The following PIAS1 variants were observed in gnomAD, a reference collection of about 807,000 sequenced individuals.
The protein encoded by PIAS1 is E3 SUMO-protein ligase PIAS1.
A neutral mutation model predicts 71.3 loss-of-function variants in PIAS1; 6 were observed. That is an observed-to-expected ratio of 0.08 (90% confidence interval 0.05 to 0.17). The LOEUF is 0.17. Among genes scored for constraint, PIAS1 ranks in the 10% least tolerant of loss-of-function variants. The pLI is 1.00. For synonymous variants in PIAS1, 303 were observed against 292.9 expected (o/e 1.03, Z -0.35); for missense variants, 555 against 793.6 (o/e 0.70, Z 3.61).
At chr15:68,074,031 A>T (rs532658457) in intron 1 of PIAS1, among the ~76,000 whole-genome samples, 17 of 152,142 alleles carry the variant, frequency 1.1e-4, no homozygotes, top group Non-Finnish European at 2.2e-4. Context: ...GATTAGGTGG[A>T]TGGAAGGTTT....
intron 1 of PIAS1, among the ~76,000 whole-genome samples, chr15:68,066,981 T>C (rs1034527077): frequency 7.2e-5 from 11 of 152,218 alleles, no homozygotes; most frequent in African/African-American, 2.7e-4. Flanking sequence ...TAATCTCTTG[T>C]TGAGGCTACT....
Position 68,190,128 on chromosome 15 carries a change from C to T in PIAS1, c.*2293C>T, listed in dbSNP as rs552234919. 6.6e-6 allele frequency: 1 copy of T among 152,144 alleles called. No homozygotes were observed. The highest frequency in any genetic ancestry group is 6.5e-5 in the Admixed American group (1 of 15,280). 9.4% of individuals were successfully genotyped at this position (152,144 alleles called of 1,614,324 possible). A position where few individuals can be genotyped will look rare whatever the true frequency, so the allele number is the denominator to read the frequency against. On this transcript the variant is annotated 3_prime_UTR_variant, in exon 14 of 14. Coordinates refer to ENST00000249636, the MANE Select transcript of PIAS1 (RefSeq NM_016166.3). This position sits in a 1 kb window ranked among gnomAD's most constrained non-coding sequence, Gnocchi z 4.7. ...AGTTGAAAACGTATCCCTCTACTTT[C>T]TTCAGTTGTAGAAAAGGTTAATTTC...
At chr15:68,166,251 G>A (rs1054785858) in intron 8 of PIAS1, among the ~76,000 whole-genome samples, 6 of 151,522 alleles carry the variant, frequency 4.0e-5, no homozygotes, top group African/African-American at 7.3e-5. Flanking sequence ...TTTTATATTA[G>A]TGTTAAAAAT....
chr15:68,085,811 TG>T (rs1188821320), intron 1 of PIAS1, among the ~76,000 whole-genome samples: 1 of 152,204 alleles, frequency 6.6e-6, no homozygotes, highest in African/African-American at 2.4e-5. Flanking sequence ...TAGTACAGAA[TG>T]TAAGTAACAC....
Position 68,167,356 on chromosome 15 carries a change from A to G in PIAS1, c.1008+2552A>G, listed in dbSNP as rs1400083998. 6.6e-6 allele frequency among the ~76,000 whole-genome samples: 1 copy of G among 152,212 alleles called. No homozygotes were observed. The highest frequency in any genetic ancestry group is 1.5e-5 in the Non-Finnish European group (1 of 68,034). On this transcript the variant is annotated intron_variant, in intron 8 of 13. Transcript: ENST00000249636. The surrounding 1 kb of genome is among the most constrained non-coding windows in gnomAD (Gnocchi z 4.4). ...AAATAAAATTTAATAATACCTATAT[A>G]TCAAATTTATGGGATAATAAAAGAG...
chr15:68,129,408 T>G (rs1477850446), intron 2 of PIAS1, among the ~76,000 whole-genome samples: 1 of 152,128 alleles, frequency 6.6e-6, no homozygotes, highest in African/African-American at 2.4e-5. Flanking sequence ...TAAAGCTATA[T>G]ATATACTTGA....
chr15:68,181,541 T>A (rs2093053426), intron 12 of PIAS1, 187 bp downstream of exon 12: 1 of 539,968 alleles, frequency 1.9e-6, no homozygotes, highest in South Asian at 2.4e-5. Flanking sequence ...TGTACTGTCA[T>A]CAGTAGCCAG....
At chr15:68,083,540 TA>T (rs1281739140) in intron 1 of PIAS1, among the ~76,000 whole-genome samples, 1 of 152,174 alleles carries the variant, frequency 6.6e-6, no homozygotes, top group Non-Finnish European at 1.5e-5. Context: ...GAGATTGAGT[TA>T]AATAAATTAA....
Position 68,187,551 on chromosome 15 carries a change from ACCT to A in PIAS1, c.1676_1678del (p.Ser559del), listed in dbSNP as rs765285434. 4.3e-6 allele frequency: 7 copies of A among 1,612,824 alleles called. No homozygotes were observed. Among genetic ancestry groups the A allele is most frequent in the Non-Finnish European group, 5.9e-6 (7 of 1,179,254 alleles). On this transcript the variant is annotated inframe_deletion, in exon 14 of 14. Transcript: ENST00000249636. This position sits in a 1 kb window ranked among gnomAD's most constrained non-coding sequence, Gnocchi z 5.3. ...TGTTTCCCCTCCCTAGCATTACAACACCTCCTTGCTTGCCGCTGCAGCAGCAGC... is the reference window on the plus strand; with the variant it reads ...TGTTTCCCCTCCCTAGCATTACAACACCTTGCTTGCCGCTGCAGCAGCAGC...
intron 1 of PIAS1, chr15:68,061,418 AT>A (rs1367050989): frequency 6.6e-6 from 1 of 152,186 alleles, no homozygotes; most frequent in Non-Finnish European, 1.5e-5. Context: ...TGAAAAGAAA[AT>A]TCCCTAGAAC....
chr15:68,146,785 T>C (rs2092811115), intron 6 of PIAS1, 85 bp downstream of exon 6: 4 of 964,636 alleles, frequency 4.1e-6, no homozygotes, highest in Admixed American at 2.2e-5. Flanking sequence ...ATGTAAATTA[T>C]GTAAAATGAG....
At chr15:68,152,916 T>G (rs2092858163) in intron 6 of PIAS1, among the ~76,000 whole-genome samples, 2 of 150,088 alleles carry the variant, frequency 1.3e-5, no homozygotes, top group South Asian at 4.2e-4. Context: ...TTTTTTTTTT[T>G]GGTCCCCTTC....
At chr15:68,108,899 C>T (rs143677092) in intron 2 of PIAS1, among the ~76,000 whole-genome samples, 1 of 152,288 alleles carries the variant, frequency 6.6e-6, no homozygotes, top group African/African-American at 2.4e-5. Flanking sequence ...CATTATCTCT[C>T]ACCTGGATTA....
chr15:68,152,023 C>T (rs1280535829), intron 6 of PIAS1, among the ~76,000 whole-genome samples: 3 of 124,560 alleles, frequency 2.4e-5, no homozygotes, highest in Non-Finnish European at 3.2e-5. Flanking sequence ...CATCTTGGCT[C>T]ACTGCAAGCT....
intron 4 of PIAS1, among the ~76,000 whole-genome samples, chr15:68,142,945 A>C (rs2141048892): frequency 6.6e-6 from 1 of 152,234 alleles, no homozygotes; most frequent in East Asian, 1.9e-4. Context: ...TCAAAGACTA[A>C]TGGGAAATTT....
chr15:68,088,461 C>T (rs1255530980), intron 2 of PIAS1, among the ~76,000 whole-genome samples: 1 of 151,730 alleles, frequency 6.6e-6, no homozygotes, highest in Non-Finnish European at 1.5e-5. Context: ...GATTTGAATG[C>T]CAGTTTTCAT....
Position 68,175,720 on chromosome 15 carries a change from C to A in PIAS1, c.1253C>A (p.Ser418Ter). The change falls in exon 10 of 14, where the codon TCA becomes TAA. Residue 418 changes from serine (S) to a stop codon, truncating the protein, a stop_gained. Transcript: ENST00000249636. LOFTEE classifies it high-confidence loss of function. ...KEDGTWAPMR[S>*]KKEVQEVSAS... ...GATGGCACTTGGGCACCGATGAGAT[C>A]AAAAAAGGAAGTACAGGAAGTTTCT... The A allele has an allele frequency of 6.2e-7, 1 of 1,605,894 alleles. No homozygotes were observed. Among genetic ancestry groups the A allele is most frequent in the South Asian group, 1.1e-5 (1 of 89,762 alleles).
chr15:68,131,445 A>G (rs1411683146), intron 2 of PIAS1, among the ~76,000 whole-genome samples: 1 of 151,112 alleles, frequency 6.6e-6, no homozygotes, highest in Admixed American at 6.6e-5. Context: ...AAATGTTACT[A>G]GCTATGTTCA....
At chr15:68,058,095 G>A (rs562470491) in intron 1 of PIAS1, among the ~76,000 whole-genome samples, 6 of 152,186 alleles carry the variant, frequency 3.9e-5, no homozygotes, top group Admixed American at 2.6e-4. Context: ...TGGTAACCAG[G>A]GATAAGAAAA....
Sources: gnomAD v4.1 joint callset for allele counts (sites outside exome capture counted in the v4.1 genomes callset) on GRCh38, gnomAD v4.1.1 for gene constraint, Gnocchi (gnomAD v3.1) non-coding constraint, MANE v1.5 for transcripts, NCBI Gene and HGNC (gene_info 2026-07-23, HGNC 2026-07-21) for gene names.